TRIM65: variants seen among roughly 807,000 people sequenced by gnomAD.
TRIM65 encodes the protein tripartite motif containing 65.
In TRIM65, 46 loss-of-function variants were observed where a neutral mutation model predicts 36.1. That is an observed-to-expected ratio of 1.27 (90% CI 1.01 to 1.63). TRIM65 has a LOEUF of 1.63. Ranked by LOEUF, TRIM65 falls within the 40% of genes most tolerant of loss-of-function variation. TRIM65 has a pLI of 0.00. For missense variants in TRIM65, 708 were observed against 696.6 expected (o/e 1.02, Z -0.18); for synonymous variants, 346 against 313.6 (o/e 1.10, Z -1.09).
chr17:75,892,248 A>G lies in TRIM65; in HGVS notation c.744+19T>C. 6.2e-7 allele frequency: 1 copy of G among 1,604,928 alleles called. No individual in the cohort carries two copies. Among genetic ancestry groups the G allele is most frequent in the Non-Finnish European group, 8.5e-7 (1 of 1,175,634 alleles). On this transcript the variant is annotated intron_variant, in intron 3 of 5. Transcript: ENST00000269383. ...GGGCAGGGAAGCAAGTCCGCCACCT[A>G]TGCCCTGAGCCCTCGCACCTGCAGG...
chr17:75,891,482 C>A, intron 5 of TRIM65, 135 bp from the exon 6 acceptor site: 1 of 952,566 alleles, frequency 1.0e-6, no homozygotes, highest in Non-Finnish European at 1.6e-6. Context: ...GCCACGACCT[C>A]GCAGGCGGAA....
intron 4 of TRIM65, chr17:75,880,711 TCCTGGCCCTCTCTGTGTTCCAGGAC>T (rs1388924608): frequency 6.7e-6 from 1 of 150,316 alleles, no homozygotes; most frequent in Non-Finnish European, 1.5e-5. Context: ...CCCCCGGTGT[TCCTGGCCCTCTCTGTGTTCCAGGAC>T]CCTGGCCCTT....
downstream of TRIM65, among the ~76,000 whole-genome samples, chr17:75,888,172 A>T (rs940020409): frequency 4.5e-5 from 5 of 110,748 alleles, no homozygotes; most frequent in East Asian, 2.4e-4. Flanking sequence ...TATATAAATA[A>T]ATAAATAAAT....
rs202196426 is a variant in TRIM65, at chr17:75,891,894, G to T, written c.920-16C>A. On this transcript the variant is annotated splice_polypyrimidine_tract_variant and intron_variant, in intron 4 of 5. Transcript: ENST00000269383. ...CCTGGGGCCTCTAGGGGGCAAAGCA[G>T]TGTTAAGGGAATGGTTGGAGAGGTC... The T allele has an allele frequency of 6.8e-6, 11 of 1,607,210 alleles. No individual in the cohort carries two copies. The East Asian group carries it at 2.2e-4, about 33-fold the overall frequency.
intron 5 of TRIM65, among the ~76,000 whole-genome samples, chr17:75,891,596 T>C (rs1167509587): frequency 6.6e-6 from 1 of 152,162 alleles, no homozygotes; most frequent in Non-Finnish European, 1.5e-5. Context: ...ACTCTGTCCT[T>C]CAACGCACAC....
Position 75,891,367 on chromosome 17 carries a change from A to T in TRIM65, c.986-20T>A. On this transcript the variant is annotated intron_variant, in intron 5 of 5. Coordinates refer to ENST00000269383, the MANE Select transcript of TRIM65 (RefSeq NM_173547.4). ...GATAATCTGTTGGGGAAAGGAGGAC[A>T]GCAGTGGGCTGGGGGAAGACAGCAC... The T allele has an allele frequency of 2.5e-6, 4 of 1,612,090 alleles. No homozygotes were observed. Among genetic ancestry groups the T allele is most frequent in the Non-Finnish European group, 3.4e-6 (4 of 1,179,118 alleles).
At chr17:75,883,880 T>C (rs2065186700) in intron 4 of TRIM65, among the ~76,000 whole-genome samples, 1 of 152,150 alleles carries the variant, frequency 6.6e-6, no homozygotes, top group South Asian at 2.1e-4. Context: ...AATATATTTA[T>C]ATTATTTAAA....
At chr17:75,884,120 A>G (rs1466692115), downstream of TRIM65, among the ~76,000 whole-genome samples, 1 of 151,846 alleles carries the variant, frequency 6.6e-6, no homozygotes, top group Non-Finnish European at 1.5e-5. Flanking sequence ...CCTGAGTGAC[A>G]GTGAGACTCC....
intron 1 of TRIM65, 51 bp downstream of exon 1, chr17:75,896,473 G>A: frequency 7.8e-7 from 1 of 1,288,090 alleles, no homozygotes; most frequent in Non-Finnish European, 9.9e-7. Context: ...ACCCGGCGGT[G>A]GCCAGGCTGC....
chr17:75,891,359 A>AGGAGGACAGCAGTGGGCTGGG lies in TRIM65; in HGVS notation c.986-33_986-13dup. On this transcript the variant is annotated splice_polypyrimidine_tract_variant and intron_variant, in intron 5 of 5. Coordinates refer to ENST00000269383, the MANE Select transcript of TRIM65 (RefSeq NM_173547.4). ...CAGATTGCGATAATCTGTTGGGGAA[A>AGGAGGACAGCAGTGGGCTGGG]GGAGGACAGCAGTGGGCTGGGGGAA... 6.2e-7 allele frequency: 1 copy of AGGAGGACAGCAGTGGGCTGGG among 1,612,904 alleles called. No individual in the cohort carries two copies. Among genetic ancestry groups the AGGAGGACAGCAGTGGGCTGGG allele is most frequent in the East Asian group, 2.2e-5 (1 of 44,874 alleles).
Position 75,893,299 on chromosome 17 carries a change from C to T in TRIM65, c.415-449G>A, listed in dbSNP as rs534085527. Among the ~76,000 whole-genome samples, 6 of 152,156 alleles carry T rather than the reference C, an allele frequency of 3.9e-5. No homozygotes were observed. The South Asian group carries it at 8.3e-4, about 21-fold the overall frequency. On this transcript the variant is annotated intron_variant, in intron 1 of 5. Transcript: ENST00000269383. ...GCAGAGGGGTCAGTGGCCCAGGAGGCCCTGGGGCTTGAGAAGCTGACTGCA... is the reference window on the plus strand; with the variant it reads ...GCAGAGGGGTCAGTGGCCCAGGAGGTCCTGGGGCTTGAGAAGCTGACTGCA...
At chr17:75,888,105 G>A (rs959491273), downstream of TRIM65, among the ~76,000 whole-genome samples, 9 of 151,674 alleles carry the variant, frequency 5.9e-5, no homozygotes, top group South Asian at 2.1e-4. Context: ...GCAGTGAGCC[G>A]AGATTGAGCC....
intron 1 of TRIM65, among the ~76,000 whole-genome samples, chr17:75,895,873 T>C (rs2065338671): frequency 6.6e-6 from 1 of 152,170 alleles, no homozygotes. Context: ...GCACAGCGAA[T>C]GAAAGGAGGC....
intron 5 of TRIM65, 32 bp downstream of exon 5, chr17:75,891,781 C>T: frequency 6.3e-7 from 1 of 1,594,938 alleles, no homozygotes; most frequent in Non-Finnish European, 8.5e-7. Flanking sequence ...CACGCACACA[C>T]AGGGGCACAC....
At position 75,892,455 on chromosome 17, in the gene TRIM65, T is replaced by A; in HGVS notation, c.556A>T (p.Ser186Cys). Residue 186 changes from serine (S) to cysteine (C), a missense_variant, in exon 3 of 6, where the codon AGC becomes TGC. Ser to Cys is a moderately radical substitution (Grantham distance 112). Coordinates refer to ENST00000269383, the MANE Select transcript of TRIM65 (RefSeq NM_173547.4). ...TGTATTTCCAGGGCCTGTAGCAGGC[T>A]GCTGAACTTGCCGGAGACCCAGGAG... Reference protein sequence around the residue: ...LASWVSGKFSSLLQALEIQHT... With the variant: ...LASWVSGKFSCLLQALEIQHT... The A allele has an allele frequency of 6.2e-7, 1 of 1,614,080 alleles. No individual in the cohort carries two copies. The highest frequency in any genetic ancestry group is 8.5e-7 in the Non-Finnish European group (1 of 1,179,980).
chr17:75,892,861 G>C lies in TRIM65; in HGVS notation c.415-11C>G. ...GGCTCTCAGCTGGGCCTGTGGTGCG[G>C]GCCCACGGGACAAGCAACAAGAGAA... is the stretch of plus-strand genomic sequence containing the variant. On this transcript the variant is annotated splice_polypyrimidine_tract_variant and intron_variant, in intron 1 of 5. Coordinates refer to ENST00000269383, the MANE Select transcript of TRIM65 (RefSeq NM_173547.4). 11 of 1,600,236 alleles carry C rather than the reference G, an allele frequency of 6.9e-6. No homozygotes were observed. The highest frequency in any genetic ancestry group is 9.3e-6 in the Non-Finnish European group (11 of 1,179,386).
At chr17:75,884,122 T>G (rs1360967034), downstream of TRIM65, among the ~76,000 whole-genome samples, 5 of 147,720 alleles carry the variant, frequency 3.4e-5, no homozygotes, top group African/African-American at 1.0e-4. Flanking sequence ...TGAGTGACAG[T>G]GAGACTCCAT....
intron 1 of TRIM65, among the ~76,000 whole-genome samples, 179 bp from the exon 2 acceptor site, chr17:75,893,029 G>A (rs1599461259): frequency 6.6e-6 from 1 of 152,092 alleles, no homozygotes; most frequent in East Asian, 1.9e-4. Context: ...CGTGCCCCGG[G>A]GGGGTCCAGA....
At chr17:75,895,435 A>G (rs2065331946) in intron 1 of TRIM65, among the ~76,000 whole-genome samples, 1 of 152,088 alleles carries the variant, frequency 6.6e-6, no homozygotes, top group Non-Finnish European at 1.5e-5. Flanking sequence ...AGTAAGAGCC[A>G]GACTCCCCCA....
Sources: gnomAD v4.1 joint callset for allele counts (sites outside exome capture counted in the v4.1 genomes callset) on GRCh38, gnomAD v4.1.1 for gene constraint, MANE v1.5 for transcripts, NCBI Gene and HGNC (gene_info 2026-07-23, HGNC 2026-07-21) for gene names.